Variants in DGUOK observed in about 807,000 individuals in gnomAD.
DGUOK encodes deoxyguanosine kinase, mitochondrial.
DGUOK carries 30 observed loss-of-function variants against 36.6 expected under a neutral mutation model. The ratio of observed to expected loss-of-function variants is 0.82; its 90% confidence interval spans 0.61 to 1.11. DGUOK has a LOEUF of 1.11. DGUOK is among the 50% of genes most tolerant of loss of function. DGUOK has a pLI of 0.00. For synonymous variants in DGUOK, 145 were observed against 126.3 expected (o/e 1.15, Z -0.99); for missense variants, 361 against 336.4 (o/e 1.07, Z -0.57).
intron 1 of DGUOK, among the ~76,000 whole-genome samples, chr2:73,933,775 G>A (rs1036923701): frequency 6.6e-6 from 1 of 152,136 alleles, no homozygotes; most frequent in Non-Finnish European, 1.5e-5. Context: ...AATATAACTT[G>A]AGGGCAAGCT....
In DGUOK at chr2:73,950,643, A is replaced by G; in HGVS notation, c.502A>G (p.Ile168Val). 1 of 1,614,150 alleles carries G rather than the reference A, an allele frequency of 6.2e-7. No homozygotes were observed. The highest frequency in any genetic ancestry group is 1.3e-5 in the African/African-American group (1 of 75,026). ...TTCCCTCAGTGACATCGAGTGGCAT[A>G]TCTATCAGGACTGGCATTCTTTTCT... Reference protein sequence around the residue: ...NGSLSDIEWHIYQDWHSFLLW... With the variant: ...NGSLSDIEWHVYQDWHSFLLW... Residue 168 changes from isoleucine to valine, a missense_variant, in exon 4 of 7, where the codon ATC becomes GTC. Physicochemically the swap from Ile to Val is conservative, Grantham distance 29. Coordinates refer to ENST00000264093, the MANE Select transcript of DGUOK (RefSeq NM_080916.3).
intron 3 of DGUOK, chr2:73,947,162 TC>T: frequency 4.1e-6 from 2 of 492,150 alleles, no homozygotes; most frequent in Non-Finnish European, 7.4e-6. Context: ...ACCTTATGTT[TC>T]CTTATTTTCT....
intron 4 of DGUOK, among the ~76,000 whole-genome samples, chr2:73,956,223 C>T (rs1457140032): frequency 6.6e-6 from 1 of 152,192 alleles, no homozygotes; most frequent in Non-Finnish European, 1.5e-5. Flanking sequence ...TGCAAAGCAG[C>T]GGGGGAGGAG....
Position 73,926,891 on chromosome 2 carries a change from C to G in DGUOK, c.-20C>G. 6.2e-7 allele frequency: 1 copy of G among 1,613,254 alleles called. No individual in the cohort carries two copies. The highest frequency in any genetic ancestry group is 8.5e-7 in the Non-Finnish European group (1 of 1,180,028). ...GAAGTGCTCTCGGCGGAAGTGATCG[C>G]TGTGTGAATCGTGGGTGGGATGGCC... On this transcript the variant is annotated 5_prime_UTR_variant, in exon 1 of 7. Coordinates refer to ENST00000264093, the MANE Select transcript of DGUOK (RefSeq NM_080916.3).
chr2:73,958,640 A>G (rs1351231241), intron 6 of DGUOK, 70 bp from the exon 7 acceptor site: 1 of 1,347,132 alleles, frequency 7.4e-7, no homozygotes, highest in African/African-American at 1.4e-5. Flanking sequence ...CTGCATATGC[A>G]TTGGGGGTGG....
chr2:73,938,485 G>C (rs1023440613), intron 1 of DGUOK, among the ~76,000 whole-genome samples: 1 of 152,134 alleles, frequency 6.6e-6, no homozygotes, highest in Non-Finnish European at 1.5e-5. Context: ...ATATTTTTTA[G>C]ATTTGTTGAA....
At position 73,940,748 on chromosome 2, in the gene DGUOK, C is replaced by T. The variant is rs188951394; in HGVS notation, c.255+1726C>T. Reference sequence around the variant, plus strand: ...ATACTTACCATTGTGTTACAGTTGCCTACAGTATTCAATACAGTAGCATGC... The same window carrying T: ...ATACTTACCATTGTGTTACAGTTGCTTACAGTATTCAATACAGTAGCATGC... On this transcript the variant is annotated intron_variant, in intron 2 of 6. Coordinates refer to ENST00000264093, the MANE Select transcript of DGUOK (RefSeq NM_080916.3). Among the ~76,000 whole-genome samples, 50 of 152,260 alleles carry T rather than the reference C, an allele frequency of 3.3e-4. No homozygotes were observed. The East Asian group carries it at 8.5e-3, about 26-fold the overall frequency.
chr2:73,956,267 CT>C (rs1683080762), intron 4 of DGUOK, among the ~76,000 whole-genome samples: 1 of 152,194 alleles, frequency 6.6e-6, no homozygotes, highest in Non-Finnish European at 1.5e-5. Flanking sequence ...TTTTCCACTT[CT>C]TTGTTTTATC....
At chr2:73,944,132 C>T (rs1235879461) in intron 2 of DGUOK, among the ~76,000 whole-genome samples, 3 of 152,200 alleles carry the variant, frequency 2.0e-5, no homozygotes, top group Admixed American at 6.5e-5. Context: ...AATCCTCCCA[C>T]CTCAGCCACC....
In DGUOK at chr2:73,950,801, CCT is replaced by C; in HGVS notation, c.591+70_591+71del. On this transcript the variant is annotated intron_variant, in intron 4 of 6. Coordinates refer to ENST00000264093, the MANE Select transcript of DGUOK (RefSeq NM_080916.3). ...CCTAAGAAGTGACATTCTCCAAGCC[CCT>C]GATTTTCTGGTTGGAGAGATTAGAG... The C allele has an allele frequency of 1.9e-6, 3 of 1,596,804 alleles. No homozygotes were observed. The South Asian group carries it at 3.3e-5, about 18-fold the overall frequency.
chr2:73,939,346 T>A (rs1681727949), intron 2 of DGUOK, among the ~76,000 whole-genome samples: 1 of 152,248 alleles, frequency 6.6e-6, no homozygotes. Flanking sequence ...TTACTTAAGC[T>A]AACCACTAGG....
chr2:73,955,937 T>A (rs868520968), intron 4 of DGUOK, among the ~76,000 whole-genome samples: 1 of 152,132 alleles, frequency 6.6e-6, no homozygotes. Flanking sequence ...ACAGATGATA[T>A]TGAATAATGA....
At chr2:73,951,294 T>A (rs747380731) in intron 4 of DGUOK, among the ~76,000 whole-genome samples, 4 of 151,730 alleles carry the variant, frequency 2.6e-5, no homozygotes, top group Admixed American at 2.0e-4. Flanking sequence ...AGCACCAGAG[T>A]CTCTGGAGAT....
intron 4 of DGUOK, among the ~76,000 whole-genome samples, chr2:73,953,061 ACT>A (rs1682810721): frequency 6.6e-6 from 1 of 151,620 alleles, no homozygotes; most frequent in Non-Finnish European, 1.5e-5. Context: ...ATAACATCCC[ACT>A]CTCATGGCAA....
rs1680641362 is a variant in DGUOK, at chr2:73,926,991, C to T, written c.81C>T (p.Ser27=). The change falls in exon 1 of 7, where the codon TCC becomes TCT. Residue 27 remains serine (S), a synonymous_variant. Transcript: ENST00000264093. ...CCAAGAGCCCACTCGAGGGCGTTTC[C>T]TCCTCCAGAGGCCTGCACGCGGGGC... ...SMAKSPLEGV[S]SSRGLHAGRG... 3 of 1,612,294 alleles carry T rather than the reference C, an allele frequency of 1.9e-6. No individual in the cohort carries two copies. The highest frequency in any genetic ancestry group is 2.5e-6 in the Non-Finnish European group (3 of 1,180,044).
At position 73,946,844 on chromosome 2, in the gene DGUOK, T is replaced by G; in HGVS notation, c.381T>G (p.Pro127=). Reference sequence around the variant, plus strand: ...TGAAAGTACAGCTGGAGCCCTTCCCTGAGAAACTCTTACAGGCCAGGAAGC... The same window carrying G: ...TGAAAGTACAGCTGGAGCCCTTCCCGGAGAAACTCTTACAGGCCAGGAAGC... ...SRLKVQLEPF[P]EKLLQARKPV... Residue 127 remains proline, a synonymous_variant, in exon 3 of 7, where the codon CCT becomes CCG. Coordinates refer to ENST00000264093, the MANE Select transcript of DGUOK (RefSeq NM_080916.3). 6.2e-7 allele frequency: 1 copy of G among 1,613,970 alleles called. No homozygotes were observed. The highest frequency in any genetic ancestry group is 8.5e-7 in the Non-Finnish European group (1 of 1,180,026).
At chr2:73,931,184 G>T (rs1383951508) in intron 1 of DGUOK, among the ~76,000 whole-genome samples, 1 of 152,234 alleles carries the variant, frequency 6.6e-6, no homozygotes, top group Non-Finnish European at 1.5e-5. Context: ...CCAAGAGGAA[G>T]AAGAGGGAAA....
intron 2 of DGUOK, among the ~76,000 whole-genome samples, chr2:73,943,521 G>T (rs1409213876): frequency 6.6e-6 from 1 of 151,856 alleles, no homozygotes; most frequent in Non-Finnish European, 1.5e-5. Flanking sequence ...GAGAAATTTT[G>T]CATCTTTTCT....
chr2:73,950,561 C>T (rs751438357), intron 3 of DGUOK, 24 bp from the exon 4 acceptor site: 2 of 1,613,928 alleles, frequency 1.2e-6, no homozygotes, highest in South Asian at 1.1e-5. Context: ...CTGCCCTCCC[C>T]ATTCCCATCC....
Sources: allele counts gnomAD v4.1 joint callset (sites outside exome capture counted in the v4.1 genomes callset), GRCh38; gene constraint gnomAD v4.1.1; transcripts MANE v1.5; gene names NCBI Gene and HGNC (gene_info 2026-07-23, HGNC 2026-07-21).